PRR5L: variants seen among roughly 807,000 people sequenced by gnomAD.
PRR5L encodes the protein proline-rich protein 5-like.
In PRR5L, 21 loss-of-function variants were observed where a neutral mutation model predicts 36.4. That is an observed-to-expected ratio of 0.58 (90% CI 0.41 to 0.83). The LOEUF (loss-of-function observed/expected upper bound fraction) is 0.83. PRR5L is among the 40% of genes least tolerant of loss of function. The pLI is 0.00. For synonymous variants in PRR5L, 188 were observed against 197.0 expected, an observed-to-expected ratio of 0.95 and a Z score of 0.38; for missense variants, 381 against 473.3, an observed-to-expected ratio of 0.80 and a Z score of 1.81.
At chr11:36,375,149 T>A (rs1857240781) in intron 1 of PRR5L, among the ~76,000 whole-genome samples, 1 of 151,766 alleles carries the variant, frequency 6.6e-6, no homozygotes, top group Non-Finnish European at 1.5e-5. Flanking sequence ...GCATGAGAAT[T>A]CCTTGAACCC....
intron 1 of PRR5L, among the ~76,000 whole-genome samples, chr11:36,364,249 T>A (rs1261363704): frequency 6.6e-6 from 1 of 152,242 alleles, no homozygotes; most frequent in East Asian, 1.9e-4. Flanking sequence ...GAGCTATGCA[T>A]AGTAAACATT....
intron 4 of PRR5L, among the ~76,000 whole-genome samples, chr11:36,422,347 A>G (rs1347621230): frequency 6.6e-6 from 1 of 152,216 alleles, no homozygotes; most frequent in Non-Finnish European, 1.5e-5. Context: ...GTAAAGGGGC[A>G]GAAGGAAGGC....
intron 1 of PRR5L, among the ~76,000 whole-genome samples, chr11:36,347,903 C>T (rs975120838): frequency 2.1e-4 from 32 of 151,958 alleles, no homozygotes; most frequent in African/African-American, 6.3e-4. Context: ...GTTTTGCAAC[C>T]CTGGAAAAGT....
intron 1 of PRR5L, among the ~76,000 whole-genome samples, chr11:36,346,569 T>C (rs544593180): frequency 1.3e-5 from 2 of 151,122 alleles, no homozygotes; most frequent in South Asian, 4.2e-4. Context: ...GGCCACAGAG[T>C]GAGACTCCAT....
intron 1 of PRR5L, among the ~76,000 whole-genome samples, chr11:36,353,523 C>T (rs904461035): frequency 1.3e-5 from 2 of 152,104 alleles, no homozygotes; most frequent in African/African-American, 4.8e-5. Flanking sequence ...CAGGAATGAA[C>T]GGGTTGGATT....
At chr11:36,313,916 G>T (rs1338049189) in intron 1 of PRR5L, among the ~76,000 whole-genome samples, 1 of 152,134 alleles carries the variant, frequency 6.6e-6, no homozygotes. Flanking sequence ...CAGATTATGG[G>T]CTCTGAAGCC....
At chr11:36,317,485 T>C (rs532757397) in intron 1 of PRR5L, among the ~76,000 whole-genome samples, 2 of 152,330 alleles carry the variant, frequency 1.3e-5, no homozygotes, top group Non-Finnish European at 2.9e-5. Context: ...TTAAGGAAGG[T>C]TCAAGGTCTT....
At chr11:36,334,068 A>T (rs774859114) in intron 1 of PRR5L, among the ~76,000 whole-genome samples, 3 of 152,170 alleles carry the variant, frequency 2.0e-5, no homozygotes, top group Admixed American at 6.5e-5. Flanking sequence ...GAAGGGCCAA[A>T]GAAAACGAAG....
chr11:36,456,226 A>G (rs1859054250), intron 8 of PRR5L, among the ~76,000 whole-genome samples: 1 of 152,152 alleles, frequency 6.6e-6, no homozygotes, highest in Admixed American at 6.5e-5. Context: ...GCCCAGCTAA[A>G]GGTGGCCTGG....
chr11:36,445,659 A>T (rs1858813560), intron 6 of PRR5L, among the ~76,000 whole-genome samples: 1 of 152,154 alleles, frequency 6.6e-6, no homozygotes, highest in South Asian at 2.1e-4. Context: ...GGGTTTTATA[A>T]TGGTACCTAT....
chr11:36,438,535 A>T (rs1416346415), intron 6 of PRR5L, among the ~76,000 whole-genome samples: 2 of 152,186 alleles, frequency 1.3e-5, no homozygotes, highest in African/African-American at 4.8e-5. Flanking sequence ...GTAAGATAGT[A>T]CAGATAGAAG....
intron 3 of PRR5L, among the ~76,000 whole-genome samples, chr11:36,411,391 G>A (rs1453135261): frequency 1.3e-5 from 2 of 152,216 alleles, no homozygotes; most frequent in South Asian, 2.1e-4. Flanking sequence ...GTCAACTGGG[G>A]TGGTGTCTCA....
intron 1 of PRR5L, among the ~76,000 whole-genome samples, chr11:36,363,800 T>C (rs1857118140): frequency 6.6e-6 from 1 of 152,150 alleles, no homozygotes; most frequent in Non-Finnish European, 1.5e-5. Flanking sequence ...CCCACAAGAA[T>C]GCCAAGAAGC....
intron 1 of PRR5L, among the ~76,000 whole-genome samples, chr11:36,326,204 C>G (rs1340922856): frequency 2.0e-5 from 3 of 152,000 alleles, no homozygotes; most frequent in Admixed American, 1.3e-4. Context: ...GTCCCTTCAT[C>G]CTCCAATATA....
At chr11:36,444,115 G>A (rs779789207) in intron 6 of PRR5L, among the ~76,000 whole-genome samples, 1 of 152,232 alleles carries the variant, frequency 6.6e-6, no homozygotes, top group Non-Finnish European at 1.5e-5. Flanking sequence ...ACACACGTGT[G>A]CAAATGAAAG....
At chr11:36,305,537 G>A (rs1487861780) in intron 1 of PRR5L, among the ~76,000 whole-genome samples, 2 of 152,130 alleles carry the variant, frequency 1.3e-5, no homozygotes, top group African/African-American at 2.4e-5. Context: ...TTGTATGGTA[G>A]GTTCTATGGT....
intron 3 of PRR5L, among the ~76,000 whole-genome samples, chr11:36,408,976 T>G (rs549051934): frequency 1.8e-4 from 28 of 152,266 alleles, no homozygotes; most frequent in African/African-American, 6.0e-4. Context: ...GGCTGTATAC[T>G]GGGGTGGTCA....
chr11:36,400,096 C>T (rs945632542), intron 1 of PRR5L, among the ~76,000 whole-genome samples: 3 of 152,200 alleles, frequency 2.0e-5, no homozygotes, highest in African/African-American at 7.2e-5. Flanking sequence ...GTCCTTGAAC[C>T]CAACCCTGCA....
chr11:36,346,682 C>T (rs980139278), intron 1 of PRR5L, among the ~76,000 whole-genome samples: 9 of 151,766 alleles, frequency 5.9e-5, no homozygotes, highest in Non-Finnish European at 1.2e-4. Flanking sequence ...AAATAATAGA[C>T]GAAACTGTGG....
Sources: gnomAD v4.1 joint callset for allele counts (sites outside exome capture counted in the v4.1 genomes callset) on GRCh38, gnomAD v4.1.1 for gene constraint, MANE v1.5 for transcripts, NCBI Gene and HGNC (gene_info 2026-07-23, HGNC 2026-07-21) for gene names.